LRRC7: variants seen among roughly 807,000 people sequenced by gnomAD.
LRRC7 encodes the protein leucine rich repeat containing 7.
Under a neutral mutation model 175.7 loss-of-function variants are expected in LRRC7, and 23 were observed. The observed-to-expected ratio is 0.13, with a 90% confidence interval of 0.09 to 0.19. The LOEUF is 0.19. Ranked by LOEUF, LRRC7 falls within the 10% of genes least tolerant of loss-of-function variation. The probability of loss-of-function intolerance (pLI) is 1.00; values close to 1 mark genes in which losing one functional copy is unlikely to be tolerated. For missense variants in LRRC7, 1,354 were observed against 1,904.7 expected (o/e 0.71, Z 5.38); for synonymous variants, 685 against 680.9 (o/e 1.01, Z -0.09).
intron 7 of LRRC7, among the ~76,000 whole-genome samples, chr1:69,917,586 T>C (rs1646759440): frequency 1.3e-5 from 2 of 151,980 alleles, no homozygotes; most frequent in African/African-American, 4.8e-5. Flanking sequence ...CTGTAAAGAG[T>C]GCTGCTGGTA....
Position 70,044,071 on chromosome 1 carries a change from C to T in LRRC7, c.4087C>T (p.His1363Tyr). The change falls in exon 22 of 27, where the codon CAT becomes TAT. Residue 1363 changes from histidine to tyrosine, a missense_variant. By Grantham distance (83) the His-to-Tyr change is moderately conservative (BLOSUM62 2). Around this residue, in one of 4 missense-constraint regions of LRRC7, gnomAD observed 1,032 missense variants for 1,227.2 expected, o/e 0.84. Transcript: ENST00000651989. ...CTTGCAGACTAAGTCTAAATTTGAT[C>T]ATCAAGAACTACCTCTTCAGAAAGT... The part of the protein sequence containing the change: ...LNLQTKSKFD[H>Y]QELPLQKTPS... The T allele has an allele frequency of 6.2e-7, 1 of 1,613,132 alleles. No homozygotes were observed.
At chr1:69,845,067 G>A (rs1255215493) in intron 7 of LRRC7, among the ~76,000 whole-genome samples, 1 of 151,994 alleles carries the variant, frequency 6.6e-6, no homozygotes, top group Non-Finnish European at 1.5e-5. Context: ...CCAGGCAACA[G>A]AGCGAGGCCC....
intron 1 of LRRC7, among the ~76,000 whole-genome samples, chr1:69,662,304 G>T (rs571939170): frequency 6.6e-5 from 10 of 152,260 alleles, no homozygotes; most frequent in Admixed American, 3.9e-4. Context: ...TGTGGTCAGT[G>T]TTGTTTACAA....
intron 8 of LRRC7, among the ~76,000 whole-genome samples, chr1:69,963,543 C>G (rs959826665): frequency 1.3e-5 from 2 of 152,046 alleles, no homozygotes; most frequent in African/African-American, 4.8e-5. Flanking sequence ...AAGACTGCTT[C>G]AAGCAGGAGT....
In LRRC7 at chr1:69,803,343, G is replaced by T. The variant is rs371025153; in HGVS notation, c.421+11183G>T. Among the ~76,000 whole-genome samples the T allele has an allele frequency of 5.3e-5, 8 of 151,548 alleles. No individual in the cohort carries two copies. The East Asian group carries it at 1.4e-3, about 26-fold the overall frequency. On this transcript the variant is annotated intron_variant, in intron 4 of 26. Transcript: ENST00000651989. ...TTTAATTGAAAGATTAATTTGGGAAGTGTTGATACCTTTGGCATAGTAAAA... is the reference window on the plus strand; with the variant it reads ...TTTAATTGAAAGATTAATTTGGGAATTGTTGATACCTTTGGCATAGTAAAA...
intron 1 of LRRC7, among the ~76,000 whole-genome samples, chr1:69,621,170 G>A (rs977160669): frequency 6.6e-6 from 1 of 151,698 alleles, no homozygotes; most frequent in Non-Finnish European, 1.5e-5. Flanking sequence ...TCAGGTTCCC[G>A]AGTAGCTGGG....
rs114393641 is a variant in LRRC7 at position 69,669,105 on chromosome 1, T to C, written c.3-9276T>C. Among the ~76,000 whole-genome samples, 530 of 152,344 alleles carry C rather than the reference T, an allele frequency of 3.5e-3. 6 individuals carry two copies. Among genetic ancestry groups the C allele is most frequent in the African/African-American group, 0.012 (504 of 41,586 alleles). On this transcript the variant is annotated intron_variant, in intron 1 of 26. Coordinates refer to ENST00000651989, the MANE Select transcript of LRRC7 (RefSeq NM_001370785.2). ...CTCTCTACTTAAGATAAGAATAGTT[T>C]ATACACCGCAGTTACAGTGTTATAA...
intron 7 of LRRC7, chr1:69,919,614 T>A: frequency 1.2e-6 from 1 of 839,952 alleles, no homozygotes. Flanking sequence ...CTGGAGCTGA[T>A]CAGCGGCTAC....
chr1:69,980,156 A>G (rs1026393037), intron 8 of LRRC7, among the ~76,000 whole-genome samples: 3 of 152,098 alleles, frequency 2.0e-5, no homozygotes, highest in Admixed American at 6.6e-5. Flanking sequence ...TAGATCTTCA[A>G]TTTTATTATT....
At chr1:69,986,125 A>G in intron 9 of LRRC7, 117 bp from the exon 10 acceptor site, 1 of 928,116 alleles carries the variant, frequency 1.1e-6, no homozygotes, top group Admixed American at 2.7e-5. Flanking sequence ...TCTTGCCAAC[A>G]CTTGTTATTG....
At chr1:70,081,979 A>G (rs116130622) in intron 24 of LRRC7, among the ~76,000 whole-genome samples, 199 of 152,328 alleles carry the variant, frequency 1.3e-3, no homozygotes, top group African/African-American at 4.7e-3. Flanking sequence ...AAGTTCCAAA[A>G]CATACTCACA....
rs368003632 is a variant in LRRC7, at chr1:70,099,391, A to G, written c.4546-8361A>G. ...TACTGAATGGGCAAAAACTGGAAGCATTCCCTTTGAAAACTGGCACAAGAC... is the reference window on the plus strand; with the variant it reads ...TACTGAATGGGCAAAAACTGGAAGCGTTCCCTTTGAAAACTGGCACAAGAC... On this transcript the variant is annotated intron_variant, in intron 25 of 26. Coordinates refer to ENST00000651989, the MANE Select transcript of LRRC7 (RefSeq NM_001370785.2). Among the ~76,000 whole-genome samples the G allele has an allele frequency of 4.7e-4, 66 of 139,360 alleles. 1 individual carries two copies. In the East Asian group the frequency reaches 0.012, roughly 26 times the overall value. 91.4% of individuals were successfully genotyped at this position (139,360 alleles called of 152,430 possible).
intron 1 of LRRC7, among the ~76,000 whole-genome samples, chr1:69,655,242 T>TGCTAGTAATATA (rs147261953): frequency 0.098 from 14,961 of 152,052 alleles, 823 homozygotes; most frequent in African/African-American, 0.16. Flanking sequence ...TACATTCAAG[T>TGCTAGTAATATA]AACCACCCAA....
At chr1:69,718,128 A>AAAAAAGAGAGAG (rs1665875299) in intron 2 of LRRC7, among the ~76,000 whole-genome samples, 1 of 67,800 alleles carries the variant, frequency 1.5e-5, no homozygotes, top group East Asian at 4.6e-4. Flanking sequence ...AAAGAAAGAA[A>AAAAAAGAGAGAG]AGAAAGAAAG....
At chr1:69,771,356 T>C (rs1672220786) in intron 3 of LRRC7, among the ~76,000 whole-genome samples, 1 of 152,172 alleles carries the variant, frequency 6.6e-6, no homozygotes, top group African/African-American at 2.4e-5. Flanking sequence ...AAATGTTTTA[T>C]TATTTAAAAA....
intron 1 of LRRC7, among the ~76,000 whole-genome samples, chr1:69,628,342 A>C (rs562171064): frequency 6.6e-6 from 1 of 152,312 alleles, no homozygotes; most frequent in African/African-American, 2.4e-5. Context: ...AGCAATGAAC[A>C]AGTGAAATAT....
chr1:69,827,493 G>T (rs555632547), intron 5 of LRRC7, among the ~76,000 whole-genome samples: 1 of 152,098 alleles, frequency 6.6e-6, no homozygotes, highest in Non-Finnish European at 1.5e-5. Flanking sequence ...ATTATGAAAA[G>T]TCAACATAAA....
chr1:69,917,904 C>G (rs1646768985), intron 7 of LRRC7, among the ~76,000 whole-genome samples: 1 of 152,112 alleles, frequency 6.6e-6, no homozygotes, highest in Non-Finnish European at 1.5e-5. Flanking sequence ...TTGATTATAT[C>G]TCAACTTTAG....
intron 7 of LRRC7, among the ~76,000 whole-genome samples, chr1:69,900,613 C>T (rs1226836211): frequency 6.6e-6 from 1 of 152,104 alleles, no homozygotes; most frequent in Non-Finnish European, 1.5e-5. Context: ...TTCTCCTCAA[C>T]AATTCTACCT....
Sources: gnomAD v4.1 joint callset for allele counts (sites outside exome capture counted in the v4.1 genomes callset) on GRCh38, gnomAD v4.1.1 for gene constraint, gnomAD v4.1.1 regional missense constraint, MANE v1.5 for transcripts, NCBI Gene and HGNC (gene_info 2026-07-23, HGNC 2026-07-21) for gene names.